Variants in KIF23 observed in about 807,000 individuals in gnomAD.
The protein encoded by KIF23 is kinesin-like protein KIF23.
In KIF23, 30 loss-of-function variants were observed where a neutral mutation model predicts 137.5. The observed-to-expected ratio is 0.22, with a 90% CI of 0.16 to 0.30. KIF23 has a LOEUF of 0.30. Among genes scored for constraint, KIF23 ranks in the 10% least tolerant of loss-of-function variants. KIF23 has a pLI of 1.00. For missense variants in KIF23, 920 were observed against 1,194.3 expected, an observed-to-expected ratio of 0.77 and a Z score of 3.38; for synonymous variants, 367 against 391.1, an observed-to-expected ratio of 0.94 and a Z score of 0.73.
Position 69,440,013 on chromosome 15 carries a change from G to A in KIF23, c.1865G>A (p.Arg622His), listed in dbSNP as rs371611454. Residue 622 changes from arginine (R) to histidine (H), a missense_variant, in exon 17 of 24, where the codon CGC (arginine) becomes CAC (histidine). By Grantham distance (29) the Arg-to-His change is conservative. Coordinates refer to ENST00000679126, the MANE Select transcript of KIF23 (RefSeq NM_001367805.3). ...CTTCAGCGACAGTTTTCTGACAAAC[G>A]CAGATTAGAAGCCAGGTTGCAAGGC... Reference protein sequence around the residue: ...QKLQRQFSDKRRLEARLQGMV... With the variant: ...QKLQRQFSDKHRLEARLQGMV... The A allele has an allele frequency of 1.2e-6, 2 of 1,613,890 alleles. No individual in the cohort carries two copies. The highest frequency in any genetic ancestry group is 1.7e-6 in the Non-Finnish European group (2 of 1,180,008).
chr15:69,420,637 A>T (rs975813231), intron 3 of KIF23, among the ~76,000 whole-genome samples: 1 of 152,224 alleles, frequency 6.6e-6, no homozygotes, highest in African/African-American at 2.4e-5. Context: ...TTTAAACTAT[A>T]GTACATCAAA....
intron 11 of KIF23, chr15:69,434,882 A>G: frequency 1.4e-6 from 1 of 733,322 alleles, no homozygotes; most frequent in Non-Finnish European, 2.3e-6. Flanking sequence ...CTGCGCGGCC[A>G]TGCTTGCCCA....
At chr15:69,418,925 T>C (rs1408582628) in intron 3 of KIF23, among the ~76,000 whole-genome samples, 2 of 152,126 alleles carry the variant, frequency 1.3e-5, no homozygotes, top group Admixed American at 1.3e-4. Flanking sequence ...AAGACCAGCC[T>C]GACCAATATG....
At chr15:69,440,259 C>G (rs201330076) in intron 17 of KIF23, 49 bp from the exon 18 acceptor site, 4 of 1,566,536 alleles carry the variant, frequency 2.6e-6, no homozygotes, top group Non-Finnish European at 3.5e-6. Flanking sequence ...CTGGTGTACT[C>G]GTTTGCTGTG....
At position 69,444,649 on chromosome 15, in the gene KIF23, A is replaced by G; in HGVS notation, c.2422-141A>G. On this transcript the variant is annotated intron_variant, in intron 19 of 23. Coordinates refer to ENST00000679126, the MANE Select transcript of KIF23 (RefSeq NM_001367805.3). This position sits in a 1 kb window ranked among gnomAD's most constrained non-coding sequence, Gnocchi z 4.2. ...GTTTGTTGGTTTTGTGTTTAAATGC[A>G]AAGATCATGTTTAAATTACTTGAAT... is the stretch of plus-strand genomic sequence containing the variant. The G allele has an allele frequency of 1.2e-6, 1 of 805,934 alleles. No individual in the cohort carries two copies. The allele number at this position is 805,934 out of a possible 1,614,324, so 49.9% of individuals were successfully genotyped here. A position where few individuals can be genotyped will look rare whatever the true frequency, so the allele number is the denominator to read the frequency against.
intron 20 of KIF23, among the ~76,000 whole-genome samples, chr15:69,445,550 CA>C (rs111742083): frequency 1.2e-4 from 18 of 144,160 alleles, no homozygotes; most frequent in East Asian, 4.0e-4. Flanking sequence ...AAGATAAGAC[CA>C]AAAAAAAAAA....
At position 69,426,061 on chromosome 15, in the gene KIF23, T is replaced by C; in HGVS notation, c.777-9T>C. On this transcript the variant is annotated splice_polypyrimidine_tract_variant and intron_variant, in intron 8 of 23. Transcript: ENST00000679126. ...TTTAGGAGACTAATCTTTTTTTTCT[T>C]TCCCATAGACCTCCACAATCTAAAT... 2 of 1,523,098 alleles carry C rather than the reference T, an allele frequency of 1.3e-6. No individual in the cohort carries two copies. Among genetic ancestry groups the C allele is most frequent in the Non-Finnish European group, 8.8e-7 (1 of 1,141,440 alleles). 94.3% of individuals were successfully genotyped at this position (1,523,098 alleles called of 1,614,324 possible). A position where few individuals can be genotyped will look rare whatever the true frequency, so the allele number is the denominator to read the frequency against.
intron 16 of KIF23, among the ~76,000 whole-genome samples, chr15:69,439,257 G>A (rs1036026481): frequency 2.6e-5 from 4 of 151,726 alleles, no homozygotes; most frequent in African/African-American, 7.3e-5. Context: ...GCTTTCTAGA[G>A]CTTAGCTTTG....
chr15:69,438,512 T>A, intron 16 of KIF23, 107 bp downstream of exon 16: 1 of 1,081,116 alleles, frequency 9.2e-7, no homozygotes, highest in South Asian at 1.7e-5. Context: ...TATTAAGAGT[T>A]CTCGGTTGAG....
At chr15:69,428,660 C>CAAAAAAAAAAAAA (rs59950355) in intron 10 of KIF23, among the ~76,000 whole-genome samples, 4 of 74,042 alleles carry the variant, frequency 5.4e-5, no homozygotes, top group African/African-American at 1.2e-4. Flanking sequence ...CTCTGTCTCC[C>CAAAAAAAAAAAAA]AAAAAAAAAA....
At position 69,435,641 on chromosome 15, in the gene KIF23, T is replaced by C; in HGVS notation, c.1195-11T>C. ...TTTGCGTAACACATTTGGATATGAA[T>C]GTCTTTGTAGATGGTTCCATATCGA... On this transcript the variant is annotated splice_polypyrimidine_tract_variant and intron_variant, in intron 12 of 23. Transcript: ENST00000679126. The C allele has an allele frequency of 6.2e-7, 1 of 1,613,330 alleles. No individual in the cohort carries two copies.
At chr15:69,417,548 ATGT>A in intron 3 of KIF23, 37 bp downstream of exon 3, 1 of 1,591,342 alleles carries the variant, frequency 6.3e-7, no homozygotes, top group Non-Finnish European at 8.5e-7. Context: ...TTTACTCAAT[ATGT>A]TGTTTCCTGA....
chr15:69,447,511 ACAT>A (rs2140426987), intron 23 of KIF23, among the ~76,000 whole-genome samples: 1 of 152,308 alleles, frequency 6.6e-6, no homozygotes, highest in South Asian at 2.1e-4. Flanking sequence ...CATGTTATAT[ACAT>A]ATATGTATAT....
intron 11 of KIF23, chr15:69,434,411 C>G (rs77042275): frequency 2.7e-6 from 1 of 370,154 alleles, no homozygotes; most frequent in Non-Finnish European, 5.1e-6. Context: ...ATTTAATAGC[C>G]GTTGCTTGCT....
chr15:69,438,516 G>T (rs1020458861), intron 16 of KIF23, 111 bp downstream of exon 16: 106 of 943,340 alleles, frequency 1.1e-4, no homozygotes, highest in Non-Finnish European at 1.6e-4. Context: ...AAGAGTTCTC[G>T]GTTGAGTGCG....
intron 13 of KIF23, 128 bp downstream of exon 13, chr15:69,435,899 A>T (rs2057465907): frequency 7.5e-7 from 1 of 1,330,262 alleles, no homozygotes; most frequent in South Asian, 1.4e-5. Context: ...GAAGTAAACT[A>T]GGCTTGGTGT....
chr15:69,439,966 A>G lies in KIF23; in HGVS notation c.1818A>G (p.Glu606=), dbSNP rs772208627. 6.2e-7 allele frequency: 1 copy of G among 1,614,114 alleles called. No individual in the cohort carries two copies. Among genetic ancestry groups the G allele is most frequent in the South Asian group, 1.1e-5 (1 of 91,074 alleles). The change falls in exon 17 of 24, where the codon GAA becomes GAG. Residue 606 remains glutamate, a synonymous_variant. Transcript: ENST00000679126. ...YEEDKRNLQQ[E]LETQNQKLQR... is the part of the protein sequence containing the mutation. ...AAGATAAACGCAATTTGCAACAGGA[A>G]CTTGAAACTCAGAACCAGAAACTTC... is the stretch of plus-strand genomic sequence containing the variant.
chr15:69,422,321 T>C lies in KIF23; in HGVS notation c.454-5T>C, dbSNP rs2057077415. ...GTGATTTTTTTTTTTTTGCCCCCACTTCAGGTTTTCAAATCTAATGATAGG... is the reference window on the plus strand; with the variant it reads ...GTGATTTTTTTTTTTTTGCCCCCACCTCAGGTTTTCAAATCTAATGATAGG... On this transcript the variant is annotated splice_region_variant and splice_polypyrimidine_tract_variant and intron_variant, in intron 5 of 23. Coordinates refer to ENST00000679126, the MANE Select transcript of KIF23 (RefSeq NM_001367805.3). 2.6e-6 allele frequency: 4 copies of C among 1,532,500 alleles called. No individual in the cohort carries two copies. In the African/African-American group the frequency reaches 4.2e-5, roughly 16 times the overall value. The allele number at this position is 1,532,500 out of a possible 1,614,324, so 94.9% of individuals were successfully genotyped here. A position where few individuals can be genotyped will look rare whatever the true frequency, so the allele number is the denominator to read the frequency against.
chr15:69,438,197 T>C, intron 15 of KIF23, 51 bp from the exon 16 acceptor site: 2 of 1,490,466 alleles, frequency 1.3e-6, no homozygotes, highest in South Asian at 1.3e-5. Context: ...GTTGATATCA[T>C]TGTTTGTTTT....
Sources: allele counts gnomAD v4.1 joint callset (sites outside exome capture counted in the v4.1 genomes callset), GRCh38; gene constraint gnomAD v4.1.1; non-coding constraint Gnocchi (gnomAD v3.1); transcripts MANE v1.5; gene names NCBI Gene and HGNC (gene_info 2026-07-23, HGNC 2026-07-21).